The following ITIH5 variants were observed in gnomAD, a reference collection of about 807,000 sequenced individuals.
ITIH5 encodes inter-alpha-trypsin inhibitor heavy chain 5.
In ITIH5, 65 loss-of-function variants were observed where a neutral mutation model predicts 77.5. The ratio of observed to expected loss-of-function variants is 0.84; its 90% CI spans 0.69 to 1.03. The LOEUF (loss-of-function observed/expected upper bound fraction) is 1.03. ITIH5 is among the 50% of genes least tolerant of loss of function. ITIH5 has a pLI of 0.00. For missense variants in ITIH5, 1,208 were observed against 1,213.1 expected (o/e 1.00, Z 0.06); for synonymous variants, 525 against 494.3 (o/e 1.06, Z -0.82).
intron 5 of ITIH5, among the ~76,000 whole-genome samples, chr10:7,631,407 C>T (rs1355979344): frequency 6.6e-6 from 1 of 152,178 alleles, no homozygotes; most frequent in East Asian, 1.9e-4. Context: ...GTGGGAAGGG[C>T]AAGTCCCACA....
Position 7,615,965 on chromosome 10 carries a change from G to A in ITIH5, c.939+17C>T, listed in dbSNP as rs369133900. ...AAAAGCGAGAGAGGAATAAATGGGC[G>A]GTTGGCACTCACTCACCTGCCGGAG... On this transcript the variant is annotated intron_variant, in intron 7 of 13. Coordinates refer to ENST00000397146, the MANE Select transcript of ITIH5 (RefSeq NM_030569.7). 6.0e-5 allele frequency: 86 copies of A among 1,425,552 alleles called. No individual in the cohort carries two copies. Among genetic ancestry groups the A allele is most frequent in the African/African-American group, 5.8e-4 (41 of 71,066 alleles). The allele number at this position is 1,425,552 out of a possible 1,614,324, so 88.3% of individuals were successfully genotyped here.
chr10:7,638,906 G>C (rs577982223), intron 4 of ITIH5, among the ~76,000 whole-genome samples: 41 of 152,214 alleles, frequency 2.7e-4, no homozygotes, highest in African/African-American at 9.6e-4. Flanking sequence ...GCAGAAACTT[G>C]TTCATAGCTG....
At chr10:7,644,838 T>A (rs1486515062) in intron 2 of ITIH5, among the ~76,000 whole-genome samples, 2 of 135,642 alleles carry the variant, frequency 1.5e-5, no homozygotes, top group Non-Finnish European at 3.1e-5. Flanking sequence ...CACATATATA[T>A]CACATATATA....
chr10:7,621,020 C>T (rs1833466338), intron 5 of ITIH5: 1 of 152,232 alleles, frequency 6.6e-6, no homozygotes, highest in South Asian at 2.1e-4. Flanking sequence ...ACCCCAGAAA[C>T]TCGGAGTCAG....
In ITIH5 at chr10:7,661,108, G is replaced by A. The variant is rs139477544; in HGVS notation, c.91-5433C>T. On this transcript the variant is annotated intron_variant, in intron 1 of 13. Transcript: ENST00000397146. ...GGGATCTAGGTTGTGTTCTCCTTAC[G>A]AGATTCTTACTAATGCCTGGTGATT... Among the ~76,000 whole-genome samples, 1,129 of 152,282 alleles carry A rather than the reference G, an allele frequency of 7.4e-3. 7 individuals are homozygous for A. Among genetic ancestry groups the A allele is most frequent in the Non-Finnish European group, 0.012 (850 of 68,028 alleles).
chr10:7,626,639 C>G (rs181077537), intron 5 of ITIH5, among the ~76,000 whole-genome samples: 1 of 152,086 alleles, frequency 6.6e-6, no homozygotes, highest in Non-Finnish European at 1.5e-5. Flanking sequence ...CAGAGTTGCC[C>G]GATTTAGCAA....
chr10:7,644,599 C>T (rs117542180), intron 2 of ITIH5, among the ~76,000 whole-genome samples: 19,338 of 84,990 alleles, frequency 0.23, 3,858 homozygotes, highest in South Asian at 0.35. Flanking sequence ...ATATATCATA[C>T]ATATCACATA....
intron 7 of ITIH5, among the ~76,000 whole-genome samples, chr10:7,586,987 C>T (rs1407079927): frequency 2.6e-5 from 4 of 152,158 alleles, no homozygotes; most frequent in South Asian, 4.1e-4. Flanking sequence ...CACGCCACCA[C>T]GTCTGGCTAA....
At chr10:7,608,503 G>C (rs895337888) in intron 7 of ITIH5, among the ~76,000 whole-genome samples, 1 of 152,072 alleles carries the variant, frequency 6.6e-6, no homozygotes, top group African/African-American at 2.4e-5. Context: ...GCCTCGTCTC[G>C]AACTCCTGGG....
At chr10:7,602,946 G>A (rs1005092178) in intron 7 of ITIH5, among the ~76,000 whole-genome samples, 4 of 152,070 alleles carry the variant, frequency 2.6e-5, no homozygotes, top group Middle Eastern at 3.2e-3. Flanking sequence ...CAGGCTCCCC[G>A]TGTCTCATAG....
intron 5 of ITIH5, among the ~76,000 whole-genome samples, chr10:7,631,549 G>A (rs1404356752): frequency 3.9e-5 from 6 of 152,156 alleles, no homozygotes; most frequent in Admixed American, 1.3e-4. Flanking sequence ...ACTGTATTAC[G>A]AAGACTGCAC....
At position 7,563,164 on chromosome 10, in the gene ITIH5, G is replaced by A. The variant is rs143775699; in HGVS notation, c.2748C>T (p.Asp916=). The change falls in exon 14 of 14, where the codon GAC becomes GAT. Residue 916 remains aspartate (D), a synonymous_variant. Transcript: ENST00000397146. ...ATGCCAGGTAATCCTTGTACTCCCC[G>A]TCAATCAGTTTGGCGGCATTGTTCC... ...FARNNAAKLI[D]GEYKDYLASH... is the part of the protein sequence containing the mutation. The A allele has an allele frequency of 2.5e-4, 409 of 1,613,918 alleles. No individual in the cohort carries two copies. Among genetic ancestry groups the A allele is most frequent in the Admixed American group, 3.7e-4 (22 of 60,006 alleles).
chr10:7,563,696 G>T, intron 13 of ITIH5, among the ~76,000 whole-genome samples: 1 of 152,252 alleles, frequency 6.6e-6, no homozygotes, highest in East Asian at 1.9e-4. Flanking sequence ...GGCATATGAA[G>T]AGGGAAGTAG....
At position 7,559,346 on chromosome 10, in the gene ITIH5, G is replaced by A. The variant is rs3814698; in HGVS notation, c.*3737C>T. 18,873 of 152,060 alleles carry A rather than the reference G, an allele frequency of 0.12. 1,235 individuals carry two copies. Among genetic ancestry groups the A allele is most frequent in the African/African-American group, 0.18 (7,257 of 41,156 alleles). The allele number at this position is 152,060 out of a possible 1,614,324, so 9.4% of individuals were successfully genotyped here. ...CTTAGAAAAATAAACAGACCAATAT[G>A]TTGTTTGTTTTTATGCATCGTTCTC... is the stretch of plus-strand genomic sequence containing the variant. On this transcript the variant is annotated 3_prime_UTR_variant, in exon 14 of 14. Transcript: ENST00000397146.
At position 7,638,721 on chromosome 10, in the gene ITIH5, C is replaced by T. The variant is rs1039926149; in HGVS notation, c.402-1243G>A. Among the ~76,000 whole-genome samples the T allele has an allele frequency of 9.2e-5, 14 of 152,144 alleles. No homozygotes were observed. In the East Asian group the frequency reaches 1.9e-3, roughly 21 times the overall value. ...ATAAAAAAGCCAACCCAGAAGAATA[C>T]GAAAAGAGATACCAGGGTAAAAGTT... On this transcript the variant is annotated intron_variant, in intron 4 of 13. Coordinates refer to ENST00000397146, the MANE Select transcript of ITIH5 (RefSeq NM_030569.7).
intron 7 of ITIH5, among the ~76,000 whole-genome samples, chr10:7,590,643 C>T (rs1832774503): frequency 6.6e-6 from 1 of 152,250 alleles, no homozygotes. Context: ...CCAGCATCCT[C>T]CTGCACGCAT....
chr10:7,590,958 G>C (rs11517369), intron 7 of ITIH5, among the ~76,000 whole-genome samples: 1 of 152,004 alleles, frequency 6.6e-6, no homozygotes, highest in South Asian at 2.1e-4. Flanking sequence ...GTGCAGCGGC[G>C]CGGTATCCAC....
chr10:7,657,567 C>T (rs11599293), intron 1 of ITIH5, among the ~76,000 whole-genome samples: 10,953 of 152,192 alleles, frequency 0.072, 521 homozygotes, highest in Middle Eastern at 0.13. Flanking sequence ...AAATGTGGTT[C>T]GGTTAAGTAG....
intron 13 of ITIH5, among the ~76,000 whole-genome samples, 165 bp from the exon 14 acceptor site, chr10:7,563,549 A>G (rs1035408228): frequency 1.1e-4 from 16 of 152,152 alleles, no homozygotes; most frequent in Admixed American, 5.2e-4. Context: ...GGCAGGGTGG[A>G]GAGAGCTGAG....
Sources: allele counts gnomAD v4.1 joint callset (sites outside exome capture counted in the v4.1 genomes callset), GRCh38; gene constraint gnomAD v4.1.1; transcripts MANE v1.5; gene names NCBI Gene and HGNC (gene_info 2026-07-23, HGNC 2026-07-21).